The following USP43 variants were observed in gnomAD, a reference collection of about 807,000 sequenced individuals.
USP43 encodes the protein ubiquitin specific peptidase 43.
Under a neutral mutation model 90.7 loss-of-function variants are expected in USP43, and 33 were observed. The observed-to-expected ratio is 0.36, with a 90% confidence interval of 0.28 to 0.49. The LOEUF (loss-of-function observed/expected upper bound fraction) is 0.49, where lower values mean the gene tolerates loss of function less well. USP43 is among the 20% of genes least tolerant of loss of function. The pLI is 0.98. For missense variants in USP43, 1,274 were observed against 1,476.4 expected (o/e 0.86, Z 2.25); for synonymous variants, 598 against 615.8 (o/e 0.97, Z 0.43).
intron 3 of USP43, among the ~76,000 whole-genome samples, chr17:9,673,028 A>G (rs1402049645): frequency 6.6e-6 from 1 of 152,216 alleles, no homozygotes; most frequent in African/African-American, 2.4e-5. Flanking sequence ...CGGTAATGTC[A>G]TACAGTGCTA....
chr17:9,720,885 A>T (rs1311047953), intron 14 of USP43, among the ~76,000 whole-genome samples: 1 of 152,206 alleles, frequency 6.6e-6, no homozygotes, highest in Admixed American at 6.5e-5. Context: ...GCCCAGGAGC[A>T]GCCCCGCTCA....
chr17:9,671,930 C>T (rs1364878799), intron 3 of USP43, among the ~76,000 whole-genome samples: 2 of 152,212 alleles, frequency 1.3e-5, no homozygotes, highest in Non-Finnish European at 2.9e-5. Context: ...GAACCTTTGA[C>T]ACGTGGATGT....
Position 9,724,209 on chromosome 17 carries a change from C to T in USP43, c.2336-3745C>T, listed in dbSNP as rs547724658. ...TGTGACAGCCAGCCTTTTTCTTCCC[C>T]GCTTCGTCCTGCTGGTTCAGTCTTG... is the stretch of plus-strand genomic sequence containing the variant. On this transcript the variant is annotated intron_variant, in intron 14 of 14. Transcript: ENST00000285199. Among the ~76,000 whole-genome samples, 29 of 152,268 alleles carry T rather than the reference C, an allele frequency of 1.9e-4. 1 individual carries two copies. The East Asian group carries it at 3.7e-3, about 19-fold the overall frequency.
intron 1 of USP43, among the ~76,000 whole-genome samples, chr17:9,652,392 C>A (rs764344186): frequency 1.3e-5 from 2 of 150,230 alleles, no homozygotes; most frequent in Admixed American, 1.3e-4. Flanking sequence ...GATGGAGTCT[C>A]GCTCTGTTGC....
chr17:9,701,577 C>T lies in USP43; in HGVS notation c.1888C>T (p.Leu630=). 1 of 1,570,708 alleles carries T rather than the reference C, an allele frequency of 6.4e-7. No homozygotes were observed. Among genetic ancestry groups the T allele is most frequent in the South Asian group, 1.2e-5 (1 of 85,254 alleles). The change falls in exon 12 of 15, where the codon CTG becomes TTG. Residue 630 remains leucine (L), a synonymous_variant. Coordinates refer to ENST00000285199, the MANE Select transcript of USP43 (RefSeq NM_153210.5). The surrounding 1 kb of genome is among the most constrained non-coding windows in gnomAD (Gnocchi z 7.2). ...AQRSTSPEAG[L]GPWPSWKQPD... ...GAGAAGCACCAGCCCTGAGGCAGGACTGGGCCCCTGGCCTTCCTGGAAGCA... is the reference window on the plus strand; with the variant it reads ...GAGAAGCACCAGCCCTGAGGCAGGATTGGGCCCCTGGCCTTCCTGGAAGCA...
rs61284524 is a variant in USP43 at position 9,705,291 on chromosome 17, C to CTT, written c.2011+3604_2011+3605dup. Among the ~76,000 whole-genome samples, 315 of 137,856 alleles carry CTT rather than the reference C, an allele frequency of 2.3e-3. 1 individual carries two copies. Among genetic ancestry groups the CTT allele is most frequent in the Non-Finnish European group, 3.8e-3 (239 of 63,420 alleles). The allele number at this position is 137,856 out of a possible 152,430, so 90.4% of individuals were successfully genotyped here. ...GTACTATTTACTGTGTTGCACCTGG[C>CTT]TTTTTTTTTTTTTTCTCTCTGAAAA... On this transcript the variant is annotated intron_variant, in intron 12 of 14. Transcript: ENST00000285199.
intron 12 of USP43, among the ~76,000 whole-genome samples, chr17:9,708,854 C>G (rs755563482): frequency 5.6e-4 from 85 of 152,196 alleles, no homozygotes; most frequent in Non-Finnish European, 9.4e-4. Flanking sequence ...GTCTCGAACT[C>G]CTGACCTCGT....
chr17:9,670,290 C>T (rs913922402), intron 3 of USP43, among the ~76,000 whole-genome samples: 2 of 152,072 alleles, frequency 1.3e-5, no homozygotes, highest in Admixed American at 6.6e-5. Context: ...CCACCTGCCT[C>T]GGCCTCCCAA....
Position 9,727,969 on chromosome 17 carries a change from G to C in USP43, c.2351G>C (p.Arg784Thr). The C allele has an allele frequency of 1.2e-6, 2 of 1,603,748 alleles. No individual in the cohort carries two copies. Among genetic ancestry groups the C allele is most frequent in the Non-Finnish European group, 8.5e-7 (1 of 1,172,278 alleles). ...TCTCTTTCAGGAGGGTTGGAGCCCA[G>C]GCGTTTGGTACGGGGCGTGAAAGGC... The part of the protein sequence containing the change: ...CNQEKGGLEP[R>T]RLVRGVKGRS... The change falls in exon 15 of 15, where the codon AGG becomes ACG. Residue 784 changes from arginine to threonine, a missense_variant. Around this residue, in one of 6 missense-constraint regions of USP43, gnomAD observed 285 missense variants for 349.6 expected, o/e 0.82. Coordinates refer to ENST00000285199, the MANE Select transcript of USP43 (RefSeq NM_153210.5).
rs1597827130 is a variant in USP43 at position 9,666,681 on chromosome 17, T to C, written c.670T>C (p.Cys224Arg). The part of the protein sequence containing the change: ...PPEATKTSEN[C>R]LSPSAQLPLG... The stretch of plus-strand genomic sequence containing the variant: ...TGAAGCCACTAAAACCTCTGAGAAC[T>C]GCCTGTCACCATCAGCTCAGCTTCC... The change falls in exon 3 of 15, where the codon TGC becomes CGC. Residue 224 changes from cysteine to arginine, a missense_variant. Cys to Arg is a radical substitution (Grantham distance 180, BLOSUM62 -3). Around this residue, in one of 6 missense-constraint regions of USP43, gnomAD observed 259 missense variants for 373.7 expected, o/e 0.69. Coordinates refer to ENST00000285199, the MANE Select transcript of USP43 (RefSeq NM_153210.5). 2.5e-6 allele frequency: 4 copies of C among 1,613,442 alleles called. No individual in the cohort carries two copies. In the African/African-American group the frequency reaches 5.3e-5, roughly 22 times the overall value.
chr17:9,700,021 T>C (rs1915479432), intron 9 of USP43, 151 bp from the exon 10 acceptor site: 1 of 709,876 alleles, frequency 1.4e-6, no homozygotes, highest in African/African-American at 1.8e-5. Context: ...CTTAGCAGCC[T>C]CCGAGGATAG....
chr17:9,725,234 T>C (rs1336179662), intron 14 of USP43, among the ~76,000 whole-genome samples: 2 of 151,872 alleles, frequency 1.3e-5, no homozygotes, highest in Non-Finnish European at 2.9e-5. Context: ...CTTTATAACC[T>C]TCAGGAAGAA....
At chr17:9,712,155 G>A in intron 14 of USP43, 23 bp downstream of exon 14, 1 of 1,529,690 alleles carries the variant, frequency 6.5e-7, no homozygotes, top group Non-Finnish European at 8.8e-7. Context: ...AATGTGCTTG[G>A]TTGATTTTCA....
rs568295024 is a variant in USP43, at chr17:9,709,297, T to C, written c.2012-659T>C. On this transcript the variant is annotated intron_variant, in intron 12 of 14. Transcript: ENST00000285199. The surrounding 1 kb of genome is among the most constrained non-coding windows in gnomAD (Gnocchi z 5.0). ...TTTATTGCATGCTTAATCAGAGATA[T>C]GCATTTTGAAGCTTCTCAGAAGAAA... 7.9e-5 allele frequency among the ~76,000 whole-genome samples: 12 copies of C among 152,366 alleles called. No homozygotes were observed. The South Asian group carries it at 2.5e-3, about 32-fold the overall frequency.
At chr17:9,725,426 G>A (rs897238537) in intron 14 of USP43, among the ~76,000 whole-genome samples, 1 of 152,090 alleles carries the variant, frequency 6.6e-6, no homozygotes, top group Admixed American at 6.6e-5. Flanking sequence ...TCTCCCCGGG[G>A]GAGGGGTACC....
At chr17:9,706,672 C>A (rs1451389293) in intron 12 of USP43, among the ~76,000 whole-genome samples, 1 of 117,594 alleles carries the variant, frequency 8.5e-6, no homozygotes, top group African/African-American at 3.1e-5. Context: ...GAGACAGAGT[C>A]TCGCTCTGTG....
intron 14 of USP43, among the ~76,000 whole-genome samples, chr17:9,715,228 A>T (rs1235657822): frequency 6.6e-6 from 1 of 152,182 alleles, no homozygotes; most frequent in Non-Finnish European, 1.5e-5. Flanking sequence ...TGGGAGGCCA[A>T]GGTGGGAGGA....
chr17:9,706,150 C>T (rs1202063691), intron 12 of USP43, among the ~76,000 whole-genome samples: 1 of 152,216 alleles, frequency 6.6e-6, no homozygotes. Context: ...TTCCTGTGAA[C>T]TGTCTATCCA....
At position 9,728,920 on chromosome 17, in the gene USP43, C is replaced by G. The variant is rs1194725300; in HGVS notation, c.3302C>G (p.Thr1101Ser). The change falls in exon 15 of 15, where the codon ACC (threonine) becomes AGC (serine). Residue 1101 changes from threonine (T) to serine (S), a missense_variant. Transcript: ENST00000285199. The surrounding 1 kb of genome is among the most constrained non-coding windows in gnomAD (Gnocchi z 6.2). ...CCAGGGGAGCAGGCTTCTTATGGCACCTTTCAGAGAGTCAAATATCACACT... is the reference window on the plus strand; with the variant it reads ...CCAGGGGAGCAGGCTTCTTATGGCAGCTTTCAGAGAGTCAAATATCACACT... ...TVPGEQASYG[T>S]FQRVKYHTLS... The G allele has an allele frequency of 6.2e-7, 1 of 1,609,188 alleles. No individual in the cohort carries two copies. Among genetic ancestry groups the G allele is most frequent in the East Asian group, 2.2e-5 (1 of 44,818 alleles).
Sources: allele counts gnomAD v4.1 joint callset (sites outside exome capture counted in the v4.1 genomes callset), GRCh38; gene constraint gnomAD v4.1.1; regional missense constraint gnomAD v4.1.1; non-coding constraint Gnocchi (gnomAD v3.1); transcripts MANE v1.5; gene names NCBI Gene and HGNC (gene_info 2026-07-23, HGNC 2026-07-21).